WDR72: variants seen among roughly 807,000 people sequenced by gnomAD.
WDR72 encodes WD repeat-containing protein 72.
Under a neutral mutation model 124.2 loss-of-function variants are expected in WDR72, and 120 were observed. The observed-to-expected ratio is 0.97, with a 90% CI of 0.83 to 1.12. The LOEUF (loss-of-function observed/expected upper bound fraction) is 1.12, where lower values mean the gene tolerates loss of function less well. WDR72 is among the 50% of genes most tolerant of loss of function. The pLI, the probability that WDR72 is intolerant of heterozygous loss-of-function variation, is 0.00. For synonymous variants in WDR72, 452 were observed against 441.7 expected, an observed-to-expected ratio of 1.02 and a Z score of -0.29; for missense variants, 1,387 against 1,278.8, an observed-to-expected ratio of 1.08 and a Z score of -1.29.
intron 19 of WDR72, among the ~76,000 whole-genome samples, chr15:53,519,398 G>T (rs1157578323): frequency 6.6e-6 from 1 of 152,016 alleles, no homozygotes; most frequent in East Asian, 1.9e-4. Context: ...AATCTCAAAA[G>T]AGGGAGCTGA....
intron 18 of WDR72, among the ~76,000 whole-genome samples, chr15:53,584,607 T>A (rs1431022734): frequency 6.6e-6 from 1 of 152,066 alleles, no homozygotes; most frequent in Non-Finnish European, 1.5e-5. Flanking sequence ...CACCTCCTGC[T>A]TTTGTCAGTT....
At chr15:53,573,725 T>C (rs1047621984) in intron 18 of WDR72, among the ~76,000 whole-genome samples, 17 of 152,200 alleles carry the variant, frequency 1.1e-4, no homozygotes, top group African/African-American at 4.1e-4. Flanking sequence ...TTTGTATTTT[T>C]AGCAGAGATG....
In WDR72 at chr15:53,602,502, A is replaced by G. The variant is rs796147150; in HGVS notation, c.2953-5228T>C. On this transcript the variant is annotated intron_variant, in intron 17 of 19. Coordinates refer to ENST00000360509, the MANE Select transcript of WDR72 (RefSeq NM_182758.4). ...ACCAAAATCAGAGCTGAACTAAAGG[A>G]GATAACTCACAAAAAAATCTATTCA... is the stretch of plus-strand genomic sequence containing the variant. Among the ~76,000 whole-genome samples the G allele has an allele frequency of 1.8e-4, 27 of 152,200 alleles. 1 individual carries two copies. Among genetic ancestry groups the G allele is most frequent in the African/African-American group, 6.0e-4 (25 of 41,560 alleles).
At chr15:53,726,285 T>TATATATATATATATATATAC (rs1228132828) in intron 2 of WDR72, among the ~76,000 whole-genome samples, 19 of 115,466 alleles carry the variant, frequency 1.6e-4, no homozygotes, top group African/African-American at 7.1e-4. Flanking sequence ...TATATATATA[T>TATATATATATATATATATAC]ACACACACAC....
At chr15:53,595,734 A>G (rs2012740760) in intron 18 of WDR72, among the ~76,000 whole-genome samples, 1 of 152,168 alleles carries the variant, frequency 6.6e-6, no homozygotes, top group South Asian at 2.1e-4. Context: ...AAAATTAATT[A>G]AAAAGCAATT....
At chr15:53,522,447 A>T (rs536411149) in intron 19 of WDR72, among the ~76,000 whole-genome samples, 2 of 152,180 alleles carry the variant, frequency 1.3e-5, no homozygotes, top group Admixed American at 1.3e-4. Flanking sequence ...TTCATTCATG[A>T]TAATAAGGTA....
chr15:53,651,750 T>G (rs2015248976), intron 14 of WDR72, among the ~76,000 whole-genome samples: 1 of 152,136 alleles, frequency 6.6e-6, no homozygotes, highest in Non-Finnish European at 1.5e-5. Flanking sequence ...CCTCCCAGGT[T>G]CAAGCAATTC....
Position 53,702,346 on chromosome 15 carries a change from G to A in WDR72, c.1357C>T (p.Pro453Ser). 2 of 1,612,100 alleles carry A rather than the reference G, an allele frequency of 1.2e-6. No individual in the cohort carries two copies. The highest frequency in any genetic ancestry group is 1.7e-6 in the Non-Finnish European group (2 of 1,178,326). Reference sequence around the variant, plus strand: ...TGGTGGCCTTTAAGAACTTTATGAGGGGGAGAATCTGAAAAACAATGAAAC... The same window carrying A: ...TGGTGGCCTTTAAGAACTTTATGAGAGGGAGAATCTGAAAAACAATGAAAC... ...EGGSLVKDSP[P>S]HKVLKGHHQS... Residue 453 changes from proline to serine, a missense_variant, in exon 12 of 20, where the codon CCT becomes TCT. Transcript: ENST00000360509.
chr15:53,729,370 T>G (rs138275263), intron 2 of WDR72, among the ~76,000 whole-genome samples: 1 of 152,140 alleles, frequency 6.6e-6, no homozygotes, highest in East Asian at 1.9e-4. Context: ...CAAGTGATCT[T>G]CTAAAACCCA....
Position 53,526,322 on chromosome 15 carries a change from G to GCC in WDR72, c.3149-3001_3149-3000insGG, listed in dbSNP as rs1454308371. The stretch of plus-strand genomic sequence containing the variant: ...TAGTCTGAAGGTAAAATTTGAATTA[G>GCC]ACATCCTTGAGTAGGAATGTGGAAA... On this transcript the variant is annotated intron_variant, in intron 18 of 19. Coordinates refer to ENST00000360509, the MANE Select transcript of WDR72 (RefSeq NM_182758.4). 4.1e-4 allele frequency among the ~76,000 whole-genome samples: 62 copies of GCC among 152,090 alleles called. 8 individuals are homozygous for GCC. The East Asian group carries it at 6.0e-3, about 15-fold the overall frequency.
intron 13 of WDR72, among the ~76,000 whole-genome samples, chr15:53,688,796 A>C (rs535436088): frequency 6.6e-6 from 1 of 151,930 alleles, no homozygotes. Context: ...GAGGCATCAC[A>C]CTACCTGACT....
intron 18 of WDR72, among the ~76,000 whole-genome samples, chr15:53,582,375 G>C (rs924657769): frequency 6.6e-6 from 1 of 151,860 alleles, no homozygotes; most frequent in Non-Finnish European, 1.5e-5. Context: ...GCTTTCTTAA[G>C]CTATATCATG....
chr15:53,555,295 A>G (rs1199427733), intron 18 of WDR72, among the ~76,000 whole-genome samples: 1 of 151,950 alleles, frequency 6.6e-6, no homozygotes, highest in Non-Finnish European at 1.5e-5. Flanking sequence ...CACTTCACGG[A>G]GGACAGAGGC....
At chr15:53,628,337 G>T (rs778017414) in intron 14 of WDR72, among the ~76,000 whole-genome samples, 1 of 152,036 alleles carries the variant, frequency 6.6e-6, no homozygotes, top group Non-Finnish European at 1.5e-5. Context: ...ATACTCAAGG[G>T]AAAGTACCTC....
At chr15:53,619,686 C>T (rs540862273) in intron 14 of WDR72, among the ~76,000 whole-genome samples, 2 of 152,102 alleles carry the variant, frequency 1.3e-5, no homozygotes, top group African/African-American at 4.8e-5. Flanking sequence ...GAAATTCTCT[C>T]TTTTAACCTT....
chr15:53,701,569 A>T (rs1037190442), intron 12 of WDR72, among the ~76,000 whole-genome samples: 133 of 97,006 alleles, frequency 1.4e-3, no homozygotes, highest in African/African-American at 3.0e-3. Flanking sequence ...TCACACACAC[A>T]CACACACACA....
chr15:53,710,819 G>T, intron 9 of WDR72, 38 bp downstream of exon 9: 1 of 1,510,178 alleles, frequency 6.6e-7, no homozygotes, highest in East Asian at 2.2e-5. Context: ...GAAACTGAGT[G>T]AAACAGCTTT....
At position 53,611,855 on chromosome 15, in the gene WDR72, A is replaced by G. The variant is rs150763102; in HGVS notation, c.2872+1811T>C. Among the ~76,000 whole-genome samples, 585 of 152,194 alleles carry G rather than the reference A, an allele frequency of 3.8e-3. 1 individual carries two copies. The highest frequency in any genetic ancestry group is 0.013 in the African/African-American group (560 of 41,554). On this transcript the variant is annotated intron_variant, in intron 16 of 19. Coordinates refer to ENST00000360509, the MANE Select transcript of WDR72 (RefSeq NM_182758.4). ...ACATAATTCTTGGAACAAACTAAGC[A>G]CAAGTTAATTGGAAGCTAATAATAA...
chr15:53,632,285 G>C (rs535984420), intron 14 of WDR72, among the ~76,000 whole-genome samples: 16 of 152,204 alleles, frequency 1.1e-4, no homozygotes, highest in African/African-American at 3.9e-4. Context: ...CACTGCTTCA[G>C]AGCGTGCAAG....
Sources: allele counts gnomAD v4.1 joint callset (sites outside exome capture counted in the v4.1 genomes callset), GRCh38; gene constraint gnomAD v4.1.1; transcripts MANE v1.5; gene names NCBI Gene and HGNC (gene_info 2026-07-23, HGNC 2026-07-21).